USH2A: variants seen among roughly 807,000 people sequenced by gnomAD.
USH2A encodes the protein Usher syndrome 2A (autosomal recessive, mild).
USH2A carries 443 observed loss-of-function variants against 538.9 expected under a neutral mutation model. The ratio of observed to expected loss-of-function variants is 0.82; its 90% CI spans 0.76 to 0.89. The LOEUF is 0.89. Among genes scored for constraint, USH2A ranks in the 40% least tolerant of loss-of-function variants. The pLI is 0.00. For synonymous variants in USH2A, 2,413 were observed against 2,273.5 expected, an observed-to-expected ratio of 1.06 and a Z score of -1.75; for missense variants, 6,633 against 6,324.8, an observed-to-expected ratio of 1.05 and a Z score of -1.65.
At chr1:215,881,560 T>C (rs1664909717) in intron 41 of USH2A, among the ~76,000 whole-genome samples, 3 of 152,242 alleles carry the variant, frequency 2.0e-5, no homozygotes, top group South Asian at 4.1e-4. Flanking sequence ...ACTTTCAGTT[T>C]GTTTAATTTC....
At chr1:215,944,836 G>T (rs1431264199) in intron 37 of USH2A, among the ~76,000 whole-genome samples, 1 of 152,052 alleles carries the variant, frequency 6.6e-6, no homozygotes, top group African/African-American at 2.4e-5. Context: ...TAGGTAATTT[G>T]TCCAAAACAT....
chr1:216,388,554 A>AT (rs1553255582), intron 3 of USH2A, among the ~76,000 whole-genome samples: 1 of 152,222 alleles, frequency 6.6e-6, no homozygotes, highest in Non-Finnish European at 1.5e-5. Flanking sequence ...CGGAAGATGA[A>AT]TTTTTGTTGT....
At chr1:216,329,321 G>A (rs1436915354) in intron 4 of USH2A, among the ~76,000 whole-genome samples, 1 of 152,104 alleles carries the variant, frequency 6.6e-6, no homozygotes, top group Non-Finnish European at 1.5e-5. Context: ...CAATTGACCT[G>A]GATCCAGGAT....
chr1:216,089,711 G>T (rs2102565905), intron 22 of USH2A, among the ~76,000 whole-genome samples: 1 of 151,886 alleles, frequency 6.6e-6, no homozygotes, highest in Non-Finnish European at 1.5e-5. Context: ...AATAATTATA[G>T]TTCTGGCTAA....
At chr1:216,189,457 A>G (rs1173733018) in intron 20 of USH2A, among the ~76,000 whole-genome samples, 1 of 151,958 alleles carries the variant, frequency 6.6e-6, no homozygotes, top group African/African-American at 2.4e-5. Context: ...TTTATCTAGA[A>G]TCAGAAAAAC....
intron 24 of USH2A, among the ~76,000 whole-genome samples, chr1:216,085,953 G>T (rs2032117600): frequency 6.6e-6 from 1 of 151,902 alleles, no homozygotes; most frequent in Non-Finnish European, 1.5e-5. Context: ...TACTTATCTG[G>T]GTTCTAGCTT....
At chr1:215,670,760 G>A (rs1049544806) in intron 64 of USH2A, among the ~76,000 whole-genome samples, 2 of 152,060 alleles carry the variant, frequency 1.3e-5, no homozygotes, top group Admixed American at 6.6e-5. Context: ...GAAAAACAAC[G>A]TATATAATAT....
chr1:215,774,839 C>T (rs1318382955), intron 55 of USH2A, among the ~76,000 whole-genome samples: 1 of 151,378 alleles, frequency 6.6e-6, no homozygotes, highest in Non-Finnish European at 1.5e-5. Flanking sequence ...AGTTCTTTGG[C>T]CTTAATATTT....
At chr1:216,350,787 T>C (rs1426950492) in intron 4 of USH2A, among the ~76,000 whole-genome samples, 1 of 152,162 alleles carries the variant, frequency 6.6e-6, no homozygotes, top group Non-Finnish European at 1.5e-5. Context: ...GCTACCATTC[T>C]GGGTTCTGGA....
At chr1:215,783,527 C>G (rs1435917481) in intron 52 of USH2A, among the ~76,000 whole-genome samples, 1 of 152,152 alleles carries the variant, frequency 6.6e-6, no homozygotes, top group Non-Finnish European at 1.5e-5. Context: ...AACCAACCAA[C>G]TTTATTAAAA....
chr1:216,120,957 TG>T (rs2033126568), intron 21 of USH2A, among the ~76,000 whole-genome samples: 1 of 65,664 alleles, frequency 1.5e-5, no homozygotes, highest in Non-Finnish European at 3.5e-5. Flanking sequence ...CAAACATTAT[TG>T]ATTATTTCAG....
intron 13 of USH2A, among the ~76,000 whole-genome samples, chr1:216,232,358 T>C (rs143956647): frequency 1.1e-3 from 172 of 152,284 alleles, no homozygotes; most frequent in Non-Finnish European, 1.9e-3. Flanking sequence ...TACAATTCAA[T>C]GTATTTAAAA....
Position 215,648,737 on chromosome 1 carries a change from A to G in USH2A, c.14373T>C (p.Thr4791=). Residue 4791 remains threonine (T), a synonymous_variant, in exon 66 of 72, where the codon ACT becomes ACC. Transcript: ENST00000307340. ...VLSEGMATQQ[T]LHGLQAFTNY... is the part of the protein sequence containing the mutation. ...TAGTGAAGGCTTGAAGGCCATGGAG[A>G]GTCTGCTGGGTGGCCATGCCTTCGG... 1 of 1,614,122 alleles carries G rather than the reference A, an allele frequency of 6.2e-7. No homozygotes were observed. Among genetic ancestry groups the G allele is most frequent in the Non-Finnish European group, 8.5e-7 (1 of 1,180,024 alleles).
chr1:216,163,216 A>G (rs2034096948), intron 21 of USH2A, among the ~76,000 whole-genome samples: 1 of 151,874 alleles, frequency 6.6e-6, no homozygotes, highest in African/African-American at 2.4e-5. Context: ...CAGGGATGGA[A>G]TTGGTATTTT....
chr1:215,780,563 T>G (rs1243540070), intron 54 of USH2A, among the ~76,000 whole-genome samples: 1 of 152,198 alleles, frequency 6.6e-6, no homozygotes, highest in Non-Finnish European at 1.5e-5. Context: ...GCACCAACTT[T>G]CTAAAGAAAG....
chr1:216,285,143 A>G (rs952808192), intron 11 of USH2A, among the ~76,000 whole-genome samples: 3 of 152,244 alleles, frequency 2.0e-5, no homozygotes, highest in African/African-American at 4.8e-5. Context: ...AATCACCAAG[A>G]CAATGGGGGA....
At chr1:215,753,569 C>A (rs1248788082) in intron 58 of USH2A, among the ~76,000 whole-genome samples, 1 of 152,060 alleles carries the variant, frequency 6.6e-6, no homozygotes, top group Non-Finnish European at 1.5e-5. Context: ...GGACAAAAAA[C>A]CAAACACCAC....
Position 215,674,735 on chromosome 1 carries a change from T to C in USH2A, c.13176A>G (p.Arg4392=), listed in dbSNP as rs1267100835. ...QNGKITKYLV[R]YDNKESLAGQ... Reference sequence around the variant, plus strand: ...CAGCAAGGGACTCTTTATTATCATATCTAACTAAATATTTAGTAATCTTTC... The same window carrying C: ...CAGCAAGGGACTCTTTATTATCATACCTAACTAAATATTTAGTAATCTTTC... Residue 4392 remains arginine (R), a synonymous_variant, in exon 63 of 72, where the codon AGA becomes AGG. Coordinates refer to ENST00000307340, the MANE Select transcript of USH2A (RefSeq NM_206933.4). The C allele has an allele frequency of 2.5e-6, 4 of 1,614,154 alleles. No homozygotes were observed. The Admixed American group carries it at 6.7e-5, about 27-fold the overall frequency.
At chr1:215,643,637 T>A (rs1656758825) in intron 67 of USH2A, among the ~76,000 whole-genome samples, 1 of 151,968 alleles carries the variant, frequency 6.6e-6, no homozygotes, top group South Asian at 2.1e-4. Context: ...GCAATCCTCC[T>A]GCCTCAGTCT....
Sources: allele counts gnomAD v4.1 joint callset (sites outside exome capture counted in the v4.1 genomes callset), GRCh38; gene constraint gnomAD v4.1.1; transcripts MANE v1.5; gene names NCBI Gene and HGNC (gene_info 2026-07-23, HGNC 2026-07-21).